The following ATP8B4 variants were observed in gnomAD, a reference collection of about 807,000 sequenced individuals.
ATP8B4 encodes probable phospholipid-transporting ATPase IM.
Under a neutral mutation model 145.6 loss-of-function variants are expected in ATP8B4, and 133 were observed. That is an observed-to-expected ratio of 0.91 (90% CI 0.79 to 1.05). ATP8B4 has a LOEUF of 1.05. Among genes scored for constraint, ATP8B4 ranks in the 50% least tolerant of loss-of-function variants. ATP8B4 has a pLI of 0.00. For synonymous variants in ATP8B4, 507 were observed against 492.9 expected, an observed-to-expected ratio of 1.03 and a Z score of -0.38; for missense variants, 1,458 against 1,425.2, an observed-to-expected ratio of 1.02 and a Z score of -0.37.
chr15:50,110,390 T>C (rs1211488294), intron 1 of ATP8B4, among the ~76,000 whole-genome samples: 1 of 152,218 alleles, frequency 6.6e-6, no homozygotes, highest in Non-Finnish European at 1.5e-5. Context: ...CTGTCATTCT[T>C]GCAAATTTAT....
chr15:50,086,703 T>C (rs1455989460), intron 2 of ATP8B4, among the ~76,000 whole-genome samples: 2 of 96,030 alleles, frequency 2.1e-5, no homozygotes, highest in Admixed American at 1.3e-4. Flanking sequence ...TAGAGATCTA[T>C]ATTATTATAT....
intron 1 of ATP8B4, among the ~76,000 whole-genome samples, chr15:50,107,766 G>A (rs1387078045): frequency 1.3e-5 from 2 of 152,122 alleles, no homozygotes; most frequent in African/African-American, 2.4e-5. Flanking sequence ...GGAAAGTGGT[G>A]TGGCAGGATG....
chr15:49,973,762 G>A (rs918459480), intron 12 of ATP8B4, among the ~76,000 whole-genome samples: 1 of 152,108 alleles, frequency 6.6e-6, no homozygotes, highest in South Asian at 2.1e-4. Context: ...CATACATAAT[G>A]CCAAACTAAT....
intron 14 of ATP8B4, among the ~76,000 whole-genome samples, chr15:49,950,619 C>A (rs9806731): frequency 0.45 from 48,719 of 108,876 alleles, 10,868 homozygotes; most frequent in East Asian, 0.91. Context: ...AACAAACAAA[C>A]AAAAAAAACA....
chr15:49,906,932 C>G (rs2038690004), intron 20 of ATP8B4, among the ~76,000 whole-genome samples: 2 of 152,156 alleles, frequency 1.3e-5, no homozygotes, highest in Non-Finnish European at 2.9e-5. Context: ...CTAATGGAAT[C>G]CTCAGATAAA....
intron 16 of ATP8B4, among the ~76,000 whole-genome samples, chr15:49,928,876 C>T (rs1407334386): frequency 1.3e-5 from 2 of 152,154 alleles, no homozygotes; most frequent in East Asian, 3.9e-4. Context: ...AGAGAAATGT[C>T]TCAAACATCT....
intron 1 of ATP8B4, among the ~76,000 whole-genome samples, chr15:50,146,831 G>A (rs935383975): frequency 3.9e-5 from 6 of 151,906 alleles, no homozygotes; most frequent in African/African-American, 1.5e-4. Context: ...TTCCACACAG[G>A]AAGAGGAGGA....
chr15:50,019,959 G>A (rs527928863), intron 6 of ATP8B4, among the ~76,000 whole-genome samples: 2 of 136,390 alleles, frequency 1.5e-5, no homozygotes, highest in East Asian at 4.9e-4. Context: ...ATCCAAGGTG[G>A]CCAAATGACT....
At chr15:50,102,278 C>A (rs565271276) in intron 2 of ATP8B4, among the ~76,000 whole-genome samples, 73 of 151,354 alleles carry the variant, frequency 4.8e-4, no homozygotes, top group Middle Eastern at 3.4e-3. Flanking sequence ...CAAAAAAAAA[C>A]CACACAAAAG....
intron 1 of ATP8B4, among the ~76,000 whole-genome samples, chr15:50,174,472 A>C (rs1228191673): frequency 6.6e-6 from 1 of 152,038 alleles, no homozygotes; most frequent in Non-Finnish European, 1.5e-5. Context: ...TAACGTACAC[A>C]AATCAGTAGC....
intron 2 of ATP8B4, among the ~76,000 whole-genome samples, chr15:50,077,273 T>C (rs1417025709): frequency 6.6e-6 from 1 of 152,254 alleles, no homozygotes; most frequent in Non-Finnish European, 1.5e-5. Context: ...TGGTTTAAGA[T>C]AGCAAGTTGA....
intron 10 of ATP8B4, among the ~76,000 whole-genome samples, chr15:49,986,174 TA>T (rs1217370954): frequency 6.6e-6 from 1 of 152,176 alleles, no homozygotes; most frequent in African/African-American, 2.4e-5. Flanking sequence ...GTAGCTGAAC[TA>T]GAGTCCTGAA....
At chr15:50,017,309 GAAA>G (rs1336223275) in intron 6 of ATP8B4, among the ~76,000 whole-genome samples, 1 of 152,012 alleles carries the variant, frequency 6.6e-6, no homozygotes, top group Non-Finnish European at 1.5e-5. Flanking sequence ...ATGTCTATAG[GAAA>G]AAATCACTGT....
intron 18 of ATP8B4, among the ~76,000 whole-genome samples, chr15:49,919,752 T>C (rs1426713984): frequency 6.6e-6 from 1 of 152,074 alleles, no homozygotes; most frequent in Non-Finnish European, 1.5e-5. Flanking sequence ...AAGCATACTC[T>C]CTAGTACCTC....
intron 13 of ATP8B4, among the ~76,000 whole-genome samples, chr15:49,971,787 T>C (rs1192886604): frequency 6.6e-6 from 1 of 152,068 alleles, no homozygotes; most frequent in Non-Finnish European, 1.5e-5. Context: ...ACCCAAAGGA[T>C]TACAAATCAT....
At chr15:50,081,020 G>C (rs1167508873) in intron 2 of ATP8B4, among the ~76,000 whole-genome samples, 1 of 152,026 alleles carries the variant, frequency 6.6e-6, no homozygotes, top group South Asian at 2.1e-4. Flanking sequence ...GGCTGAGGCA[G>C]GAGAATGGCG....
In ATP8B4 at chr15:50,041,715, A is replaced by G. The variant is rs532198655; in HGVS notation, c.300+2879T>C. 3.9e-5 allele frequency among the ~76,000 whole-genome samples: 6 copies of G among 152,308 alleles called. No homozygotes were observed. The South Asian group carries it at 1.2e-3, about 32-fold the overall frequency. On this transcript the variant is annotated intron_variant, in intron 5 of 27. Transcript: ENST00000284509. ...TCCCAGGACTTTGAGAAGCCAAGGC[A>G]GGCAGATCACGAGGTCAGATCGAGA...
At chr15:50,041,176 A>G (rs2051253480) in intron 5 of ATP8B4, among the ~76,000 whole-genome samples, 1 of 152,212 alleles carries the variant, frequency 6.6e-6, no homozygotes, top group Non-Finnish European at 1.5e-5. Context: ...ATGCATCTAA[A>G]TGAGTACCAT....
chr15:49,931,463 A>G (rs2041249057), intron 15 of ATP8B4, among the ~76,000 whole-genome samples, 156 bp from the exon 16 acceptor site: 2 of 152,010 alleles, frequency 1.3e-5, no homozygotes, highest in Non-Finnish European at 2.9e-5. Flanking sequence ...CAACAGCTCA[A>G]TCTGGTATCT....
Sources: gnomAD v4.1 joint callset for allele counts (sites outside exome capture counted in the v4.1 genomes callset) on GRCh38, gnomAD v4.1.1 for gene constraint, MANE v1.5 for transcripts, NCBI Gene and HGNC (gene_info 2026-07-23, HGNC 2026-07-21) for gene names.